NEDD4L: variants seen among roughly 807,000 people sequenced by gnomAD.
NEDD4L encodes the protein NEDD4 like E3 ubiquitin protein ligase, also known as E3 ubiquitin-protein ligase NEDD4-like.
Under a neutral mutation model 148.9 loss-of-function variants are expected in NEDD4L, and 54 were observed. The observed-to-expected ratio is 0.36, with a 90% CI of 0.29 to 0.45. NEDD4L has a LOEUF of 0.45. NEDD4L is among the 20% of genes least tolerant of loss of function. NEDD4L has a pLI of 1.00. For missense variants in NEDD4L, 856 were observed against 1,233.8 expected (o/e 0.69, Z 4.59); for synonymous variants, 433 against 440.7 (o/e 0.98, Z 0.22).
chr18:58,285,454 C>G (rs7231823), intron 5 of NEDD4L, among the ~76,000 whole-genome samples: 66,295 of 151,864 alleles, frequency 0.44, 14,980 homozygotes, highest in African/African-American at 0.55. Context: ...TTAGCCTCCC[C>G]AGTAGCTTGG....
rs750838071 is a variant in NEDD4L at position 58,400,614 on chromosome 18, A to C, written c.*4345A>C. ...TTGTTTGTTAAAGATGTTCCACTGAAAGCAACGCATGTTTCAAAGGCACGT... is the reference window on the plus strand; with the variant it reads ...TTGTTTGTTAAAGATGTTCCACTGACAGCAACGCATGTTTCAAAGGCACGT... On this transcript the variant is annotated 3_prime_UTR_variant, in exon 31 of 31. Coordinates refer to ENST00000400345, the MANE Select transcript of NEDD4L (RefSeq NM_001144967.3). 41 of 152,196 alleles carry C rather than the reference A, an allele frequency of 2.7e-4. No individual in the cohort carries two copies. Among genetic ancestry groups the C allele is most frequent in the Non-Finnish European group, 5.6e-4 (38 of 68,040 alleles). The allele number at this position is 152,196 out of a possible 1,614,324, so 9.4% of individuals were successfully genotyped here.
chr18:58,342,035 T>C (rs1391049438), intron 15 of NEDD4L, among the ~76,000 whole-genome samples: 1 of 152,260 alleles, frequency 6.6e-6, no homozygotes, highest in Non-Finnish European at 1.5e-5. Context: ...TGGTGACTTG[T>C]GCTGGACGTG....
chr18:58,391,002 T>C (rs1346073223), intron 29 of NEDD4L, among the ~76,000 whole-genome samples: 2 of 152,056 alleles, frequency 1.3e-5, no homozygotes, highest in Non-Finnish European at 2.9e-5. Context: ...TTTCCTAGTT[T>C]AGTTTTTTAG....
intron 1 of NEDD4L, among the ~76,000 whole-genome samples, chr18:58,097,736 A>C (rs562183234): frequency 6.6e-6 from 1 of 152,312 alleles, no homozygotes; most frequent in African/African-American, 2.4e-5. Flanking sequence ...GAGAAGTATT[A>C]GAAAACTGTA....
chr18:58,081,638 C>G (rs1300618334), intron 1 of NEDD4L, among the ~76,000 whole-genome samples: 2 of 152,168 alleles, frequency 1.3e-5, no homozygotes. Flanking sequence ...CACACAGAAT[C>G]TCGTATCTTT....
intron 29 of NEDD4L, among the ~76,000 whole-genome samples, 163 bp from the exon 30 acceptor site, chr18:58,391,324 C>T (rs1410188344): frequency 3.9e-5 from 6 of 152,192 alleles, no homozygotes; most frequent in Non-Finnish European, 7.3e-5. Flanking sequence ...AGACCTCTGG[C>T]TTCCCTCAAC....
In NEDD4L at chr18:58,266,886, G is replaced by T. The variant is rs140075390; in HGVS notation, c.297+14832G>T. 8.6e-4 allele frequency among the ~76,000 whole-genome samples: 131 copies of T among 152,166 alleles called. 1 individual carries two copies. The highest frequency in any genetic ancestry group is 3.1e-3 in the African/African-American group (128 of 41,534). The stretch of plus-strand genomic sequence containing the variant: ...CAAATCTAAGCAGACACCTTATTAA[G>T]AGATCATTATTCTCTGCTTTTAAAG... On this transcript the variant is annotated intron_variant, in intron 5 of 30. Transcript: ENST00000400345.
chr18:58,126,648 G>GT, intron 1 of NEDD4L, among the ~76,000 whole-genome samples: 1 of 152,320 alleles, frequency 6.6e-6, no homozygotes, highest in South Asian at 2.1e-4. Context: ...TAACCATGGA[G>GT]TTACGGTAAC....
At chr18:58,221,667 C>T (rs534811723) in intron 2 of NEDD4L, 2 of 985,432 alleles carry the variant, frequency 2.0e-6, no homozygotes, top group Non-Finnish European at 2.4e-6. Context: ...GGCCAGGGAG[C>T]CGGAGGGTCA....
rs1411048526 is a variant in NEDD4L at position 58,248,792 on chromosome 18, C to T, written c.205-107C>T. 2.4e-4 allele frequency: 149 copies of T among 633,046 alleles called. 1 individual carries two copies. The East Asian group carries it at 4.4e-3, about 19-fold the overall frequency. The allele number at this position is 633,046 out of a possible 1,614,324, so 39.2% of individuals were successfully genotyped here. A position where few individuals can be genotyped will look rare whatever the true frequency, so the allele number is the denominator to read the frequency against. On this transcript the variant is annotated intron_variant, in intron 3 of 30. Coordinates refer to ENST00000400345, the MANE Select transcript of NEDD4L (RefSeq NM_001144967.3). ...ATAATCGACTAAATGCTTCTCTTAG[C>T]TTTTTTTAATCAAAAAAATGTTTAA...
At chr18:58,348,626 T>C (rs2043443258) in intron 16 of NEDD4L, among the ~76,000 whole-genome samples, 1 of 152,184 alleles carries the variant, frequency 6.6e-6, no homozygotes, top group African/African-American at 2.4e-5. Flanking sequence ...CACTGCATTT[T>C]AACTGGGTCT....
intron 5 of NEDD4L, among the ~76,000 whole-genome samples, chr18:58,289,425 G>A (rs141815445): frequency 1.7e-3 from 262 of 152,328 alleles, no homozygotes; most frequent in African/African-American, 6.1e-3. Flanking sequence ...GGAAAAAGCA[G>A]CGGAGAACCA....
At chr18:58,059,441 C>T (rs1399305278) in intron 1 of NEDD4L, among the ~76,000 whole-genome samples, 2 of 152,244 alleles carry the variant, frequency 1.3e-5, no homozygotes, top group Non-Finnish European at 1.5e-5. Context: ...GAAACTGCCA[C>T]TGTCAATACC....
chr18:58,353,546 A>G (rs1380690763), intron 18 of NEDD4L, among the ~76,000 whole-genome samples: 1 of 152,210 alleles, frequency 6.6e-6, no homozygotes, highest in Non-Finnish European at 1.5e-5. Flanking sequence ...ATCAAGGTTT[A>G]CTCAATGGAA....
chr18:58,234,215 C>CCCTT (rs1157410326), intron 2 of NEDD4L, among the ~76,000 whole-genome samples: 10 of 134,688 alleles, frequency 7.4e-5, no homozygotes, highest in African/African-American at 2.6e-4. Flanking sequence ...CTCCCTCCCT[C>CCCTT]CCTTCCTTCC....
At chr18:58,253,298 A>G (rs2048138803) in intron 5 of NEDD4L, among the ~76,000 whole-genome samples, 1 of 152,218 alleles carries the variant, frequency 6.6e-6, no homozygotes, top group Non-Finnish European at 1.5e-5. Context: ...CTGGCCTCCT[A>G]AGTCCCAGCC....
At chr18:58,119,977 G>A (rs550126716) in intron 1 of NEDD4L, among the ~76,000 whole-genome samples, 10 of 152,182 alleles carry the variant, frequency 6.6e-5, no homozygotes, top group Non-Finnish European at 1.2e-4. Context: ...GGCACACATC[G>A]CATTGTGGAG....
At chr18:58,153,365 AGTCTT>A (rs2035045979) in intron 1 of NEDD4L, among the ~76,000 whole-genome samples, 1 of 142,936 alleles carries the variant, frequency 7.0e-6, no homozygotes, top group East Asian at 2.0e-4. Context: ...TTAAAGACAG[AGTCTT>A]GCCCTGTGGT....
At chr18:58,047,119 A>G (rs2081621196) in intron 1 of NEDD4L, 2 of 308,562 alleles carry the variant, frequency 6.5e-6, no homozygotes, top group Non-Finnish European at 9.5e-6. Context: ...CTCTGAAAGT[A>G]GAATGCCCGC....
Sources: allele counts gnomAD v4.1 joint callset (sites outside exome capture counted in the v4.1 genomes callset), GRCh38; gene constraint gnomAD v4.1.1; transcripts MANE v1.5; gene names NCBI Gene and HGNC (gene_info 2026-07-23, HGNC 2026-07-21).